Variants in MEIS2 observed in about 807,000 individuals in gnomAD.
The protein encoded by MEIS2 is Meis homeobox 2, also known as homeobox protein Meis2.
A neutral mutation model predicts 58.6 loss-of-function variants in MEIS2; 9 were observed. The observed-to-expected ratio is 0.15, with a 90% CI of 0.09 to 0.27. The LOEUF (loss-of-function observed/expected upper bound fraction) is 0.27, where lower values mean the gene tolerates loss of function less well. MEIS2 is among the 10% of genes least tolerant of loss of function. The pLI, the probability that MEIS2 is intolerant of heterozygous loss-of-function variation, is 1.00. For missense variants in MEIS2, 427 were observed against 635.0 expected, an observed-to-expected ratio of 0.67 and a Z score of 3.52; for synonymous variants, 221 against 228.4, an observed-to-expected ratio of 0.97 and a Z score of 0.29.
At chr15:37,044,618 A>G (rs1437437660) in intron 7 of MEIS2, among the ~76,000 whole-genome samples, 3 of 151,746 alleles carry the variant, frequency 2.0e-5, no homozygotes, top group African/African-American at 7.3e-5. Context: ...CTCCTTTCCC[A>G]TTCTTCTTTA....
chr15:37,099,231 C>G (rs1894793060), intron 1 of MEIS2: 1 of 1,432,512 alleles, frequency 7.0e-7, no homozygotes, highest in Non-Finnish European at 9.1e-7. Flanking sequence ...AGCGCTGGAA[C>G]ACGCGCGCCC....
chr15:37,098,984 G>T (rs1201945616), intron 1 of MEIS2: 7 of 984,316 alleles, frequency 7.1e-6, no homozygotes, highest in South Asian at 4.5e-5. Flanking sequence ...TAGTCTAGGC[G>T]GCGGCGCAGC....
chr15:37,049,732 T>G (rs1408563655), intron 7 of MEIS2, among the ~76,000 whole-genome samples: 6 of 151,458 alleles, frequency 4.0e-5, no homozygotes, highest in African/African-American at 1.5e-4. Flanking sequence ...AGGCAATTCA[T>G]GCACCTCGGC....
chr15:36,922,466 CT>C (rs57005162), intron 9 of MEIS2, among the ~76,000 whole-genome samples: 114 of 145,508 alleles, frequency 7.8e-4, no homozygotes, highest in Admixed American at 1.1e-3. Flanking sequence ...TACTAAGATC[CT>C]TTTTTTTTTT....
intron 9 of MEIS2, among the ~76,000 whole-genome samples, chr15:36,922,786 A>ATT (rs780945599): frequency 4.4e-5 from 6 of 136,882 alleles, no homozygotes; most frequent in East Asian, 2.1e-4. Context: ...TAATATTTGT[A>ATT]TTTTTTTTTT....
intron 8 of MEIS2, among the ~76,000 whole-genome samples, chr15:36,968,735 T>C (rs2059434756): frequency 6.6e-6 from 1 of 152,226 alleles, no homozygotes; most frequent in South Asian, 2.1e-4. Flanking sequence ...AATCAGCTGA[T>C]ATCTGGGTCA....
intron 7 of MEIS2, among the ~76,000 whole-genome samples, chr15:37,069,011 A>G (rs1890329200): frequency 6.6e-6 from 1 of 152,188 alleles, no homozygotes; most frequent in Non-Finnish European, 1.5e-5. Flanking sequence ...AATTTTTAAA[A>G]AGTCTGACAC....
At chr15:37,093,496 A>G (rs1364165269) in intron 6 of MEIS2, 85 bp downstream of exon 6, 1 of 1,481,444 alleles carries the variant, frequency 6.8e-7, no homozygotes, top group African/African-American at 1.4e-5. Context: ...AGAAAACTAA[A>G]TCAGTGGAGC....
intron 8 of MEIS2, among the ~76,000 whole-genome samples, chr15:36,991,771 C>CTTTAT (rs2060287504): frequency 9.2e-6 from 1 of 108,618 alleles, no homozygotes; most frequent in Non-Finnish European, 1.8e-5. Context: ...TGTTAATTTT[C>CTTTAT]TTTTTTTTTT....
At chr15:36,985,680 C>G (rs1278674042) in intron 8 of MEIS2, among the ~76,000 whole-genome samples, 1 of 152,120 alleles carries the variant, frequency 6.6e-6, no homozygotes, top group South Asian at 2.1e-4. Flanking sequence ...GTTAACATCC[C>G]CCTACTTTCT....
intron 7 of MEIS2, among the ~76,000 whole-genome samples, chr15:37,046,911 T>C (rs1281574137): frequency 1.3e-5 from 2 of 151,976 alleles, no homozygotes; most frequent in Non-Finnish European, 2.9e-5. Flanking sequence ...TTTTAAAATA[T>C]TTAAGAAAGG....
chr15:37,007,622 A>G (rs751428540), intron 8 of MEIS2, among the ~76,000 whole-genome samples: 19 of 152,186 alleles, frequency 1.2e-4, no homozygotes, highest in Non-Finnish European at 2.5e-4. Flanking sequence ...AGTTTGTGAA[A>G]TATTTTTCTG....
At chr15:37,069,190 C>G (rs904406517) in intron 7 of MEIS2, among the ~76,000 whole-genome samples, 1 of 151,992 alleles carries the variant, frequency 6.6e-6, no homozygotes, top group Admixed American at 6.6e-5. Flanking sequence ...AATAACTATG[C>G]TAGGATATGT....
chr15:37,016,997 A>T (rs565397395), intron 8 of MEIS2, among the ~76,000 whole-genome samples: 1 of 152,302 alleles, frequency 6.6e-6, no homozygotes, highest in African/African-American at 2.4e-5. Context: ...CTTTCACAAA[A>T]CACATCTGCT....
intron 3 of MEIS2, 47 bp downstream of exon 3, chr15:37,096,242 G>C: frequency 6.6e-7 from 1 of 1,523,098 alleles, no homozygotes; most frequent in Non-Finnish European, 8.9e-7. Flanking sequence ...GAAAGGGGAG[G>C]GGTAGTGAGG....
At chr15:36,975,802 C>CATGGTGACTT in intron 8 of MEIS2, among the ~76,000 whole-genome samples, 1 of 152,240 alleles carries the variant, frequency 6.6e-6, no homozygotes, top group East Asian at 1.9e-4. Context: ...TATCGTACAG[C>CATGGTGACTT]ATGGTGACTA....
intron 9 of MEIS2, among the ~76,000 whole-genome samples, chr15:36,935,113 G>A (rs1232726399): frequency 6.6e-6 from 1 of 151,776 alleles, no homozygotes; most frequent in Admixed American, 6.6e-5. Context: ...CCACTTAGCT[G>A]GTTGTTAAGT....
At chr15:36,984,356 AT>A (rs1328378227) in intron 8 of MEIS2, among the ~76,000 whole-genome samples, 2 of 151,934 alleles carry the variant, frequency 1.3e-5, no homozygotes, top group Non-Finnish European at 2.9e-5. Flanking sequence ...TGATCATATG[AT>A]TTTTATTCTT....
intron 7 of MEIS2, among the ~76,000 whole-genome samples, chr15:37,078,608 A>AAAAAAAAAAAAAAAAAAAAAAAAC (rs1891761650): frequency 3.6e-4 from 1 of 2,806 alleles, no homozygotes; most frequent in Non-Finnish European, 1.7e-3. Flanking sequence ...AAACAACCAA[A>AAAAAAAAAAAAAAAAAAAAAAAAC]AAAAAAAAAA....
Sources: allele counts gnomAD v4.1 joint callset (sites outside exome capture counted in the v4.1 genomes callset), GRCh38; gene constraint gnomAD v4.1.1; transcripts MANE v1.5; gene names NCBI Gene and HGNC (gene_info 2026-07-23, HGNC 2026-07-21).